ROCK2: variants seen among roughly 807,000 people sequenced by gnomAD.
ROCK2 encodes Rho associated coiled-coil containing protein kinase 2, also known as rho-associated protein kinase 2.
ROCK2 carries 61 observed loss-of-function variants against 195.1 expected under a neutral mutation model. The ratio of observed to expected loss-of-function variants is 0.31; its 90% CI spans 0.25 to 0.39. The LOEUF is 0.39. Among genes scored for constraint, ROCK2 ranks in the 10% least tolerant of loss-of-function variants. The pLI, the probability that ROCK2 is intolerant of heterozygous loss-of-function variation, is 1.00. For synonymous variants in ROCK2, 504 were observed against 545.5 expected (o/e 0.92, Z 1.06); for missense variants, 1,109 against 1,637.4 (o/e 0.68, Z 5.57).
Position 11,207,910 on chromosome 2 carries a change from C to T in ROCK2, c.2365G>A (p.Val789Ile), listed in dbSNP as rs777936902. 6.4e-7 allele frequency: 1 copy of T among 1,553,178 alleles called. No homozygotes were observed. The highest frequency in any genetic ancestry group is 2.3e-5 in the East Asian group (1 of 44,194). The change falls in exon 20 of 33, where the codon GTT becomes ATT. Residue 789 changes from valine (V) to isoleucine (I), a missense_variant and splice_region_variant. Coordinates refer to ENST00000315872, the MANE Select transcript of ROCK2 (RefSeq NM_004850.5). ...TCTATTTTTAATGTCAGGTTTCTAA[C>T]CTAAGAAATAAATTGTGTACTTGGT... The part of the protein sequence containing the change: ...LKQKDVLNED[V>I]RNLTLKIEQE...
intron 3 of ROCK2, among the ~76,000 whole-genome samples, chr2:11,257,766 C>T (rs746967196): frequency 5.3e-5 from 8 of 151,236 alleles, no homozygotes; most frequent in Non-Finnish European, 1.2e-4. Context: ...TTAGGAGATT[C>T]GAAATCAAAC....
intron 1 of ROCK2, chr2:11,308,196 G>T (rs1418025604): frequency 3.2e-6 from 5 of 1,584,022 alleles, no homozygotes; most frequent in South Asian, 2.2e-5. Context: ...ATTCACAGAA[G>T]AAAGAAAACC....
intron 1 of ROCK2, among the ~76,000 whole-genome samples, chr2:11,323,735 T>G (rs1017903787): frequency 1.3e-5 from 2 of 152,156 alleles, no homozygotes; most frequent in South Asian, 4.1e-4. Context: ...GGTACAGAGA[T>G]GTCCCACATA....
chr2:11,287,656 T>C lies in ROCK2; in HGVS notation c.222A>G (p.Arg74=). Residue 74 remains arginine (R), a splice_region_variant and synonymous_variant, in exon 2 of 33, where the codon AGA becomes AGG. Transcript: ENST00000315872. ...KNKNIDNFLN[R]YEKIVKKIRG... ...AATATGAAGTTTAAACATACTTACA[T>C]CTATTTAAGAAATTATCTATGTTCT... is the stretch of plus-strand genomic sequence containing the variant. The C allele has an allele frequency of 9.5e-7, 1 of 1,048,160 alleles. No homozygotes were observed. Among genetic ancestry groups the C allele is most frequent in the Non-Finnish European group, 1.3e-6 (1 of 749,998 alleles). 64.9% of individuals were successfully genotyped at this position (1,048,160 alleles called of 1,614,324 possible). A position where few individuals can be genotyped will look rare whatever the true frequency, so the allele number is the denominator to read the frequency against.
chr2:11,283,590 G>GAAAGAAAGAAAGAAAA (rs1453321680), intron 3 of ROCK2, among the ~76,000 whole-genome samples: 1 of 133,524 alleles, frequency 7.5e-6, no homozygotes, highest in Admixed American at 7.5e-5. Flanking sequence ...AAAAAAGCAA[G>GAAAGAAAGAAAGAAAA]AAAGAAAAGA....
chr2:11,281,373 T>C (rs1224217074), intron 3 of ROCK2, among the ~76,000 whole-genome samples: 1 of 152,160 alleles, frequency 6.6e-6, no homozygotes, highest in Non-Finnish European at 1.5e-5. Context: ...ACCAATCCTT[T>C]CCATCACTGT....
intron 1 of ROCK2, among the ~76,000 whole-genome samples, chr2:11,307,206 A>T (rs1162294920): frequency 6.6e-6 from 1 of 152,248 alleles, no homozygotes; most frequent in Admixed American, 6.5e-5. Context: ...GAAGTAGTCA[A>T]ATCAGTAGCA....
chr2:11,189,956 T>C (rs958791237), intron 32 of ROCK2, among the ~76,000 whole-genome samples: 48 of 151,922 alleles, frequency 3.2e-4, no homozygotes, highest in Middle Eastern at 3.2e-3. Flanking sequence ...GATCGTGCCA[T>C]TGCACTCCAG....
At chr2:11,287,150 G>A (rs1327850741) in intron 2 of ROCK2, among the ~76,000 whole-genome samples, 2 of 152,144 alleles carry the variant, frequency 1.3e-5, no homozygotes, top group African/African-American at 4.8e-5. Context: ...ATGATACAAT[G>A]TATACATTAA....
intron 5 of ROCK2, among the ~76,000 whole-genome samples, chr2:11,229,728 T>A (rs1044435077): frequency 5.3e-5 from 8 of 151,480 alleles, no homozygotes; most frequent in African/African-American, 1.5e-4. Flanking sequence ...GAAAATAACA[T>A]CTTAACACAA....
chr2:11,331,423 T>C (rs1410566722), intron 1 of ROCK2, among the ~76,000 whole-genome samples: 2 of 152,192 alleles, frequency 1.3e-5, no homozygotes, highest in Admixed American at 1.3e-4. Flanking sequence ...ATCCTCTATA[T>C]GAACCAAGTT....
chr2:11,286,769 G>GTTAGTTAAAAATC, intron 2 of ROCK2, 130 bp from the exon 3 acceptor site: 1 of 540,012 alleles, frequency 1.9e-6, no homozygotes, highest in African/African-American at 1.9e-5. Context: ...TTTAAAGGCT[G>GTTAGTTAAAAATC]TTAGTTAAAA....
In ROCK2 at chr2:11,217,588, T is replaced by C. The variant is rs568766284; in HGVS notation, c.1333-419A>G. On this transcript the variant is annotated intron_variant, in intron 11 of 32. Transcript: ENST00000315872. The stretch of plus-strand genomic sequence containing the variant: ...AAAACAAATATTCAGAGTACTCAAC[T>C]GAATATGCTCAAAGTAAAGAATATA... 2.0e-5 allele frequency among the ~76,000 whole-genome samples: 3 copies of C among 152,338 alleles called. No individual in the cohort carries two copies. The South Asian group carries it at 6.2e-4, about 32-fold the overall frequency.
chr2:11,180,370 T>C lies in ROCK2; in HGVS notation c.*3067A>G, dbSNP rs1361607076. The stretch of plus-strand genomic sequence containing the variant: ...CTTTAGAGCCAGATTCATGTAACTC[T>C]AACACAGGTTAGTTTTAAAGGCACT... On this transcript the variant is annotated 3_prime_UTR_variant, in exon 33 of 33. Transcript: ENST00000315872. The C allele has an allele frequency of 6.6e-6, 1 of 152,226 alleles. No individual in the cohort carries two copies. The highest frequency in any genetic ancestry group is 1.5e-5 in the Non-Finnish European group (1 of 68,036). The allele number at this position is 152,226 out of a possible 1,614,324, so 9.4% of individuals were successfully genotyped here.
chr2:11,240,408 C>T (rs879554034), intron 4 of ROCK2, among the ~76,000 whole-genome samples: 1 of 152,134 alleles, frequency 6.6e-6, no homozygotes, highest in Non-Finnish European at 1.5e-5. Context: ...TTATAACACA[C>T]CATACAATGG....
chr2:11,280,222 A>G (rs899122581), intron 3 of ROCK2, among the ~76,000 whole-genome samples: 7 of 152,158 alleles, frequency 4.6e-5, no homozygotes, highest in African/African-American at 1.7e-4. Context: ...GAAAAGACCA[A>G]TAATATTGAT....
intron 3 of ROCK2, among the ~76,000 whole-genome samples, chr2:11,274,999 G>C (rs557725231): frequency 2.6e-4 from 40 of 152,304 alleles, no homozygotes; most frequent in Middle Eastern, 6.8e-3. Flanking sequence ...GCTCATGCCT[G>C]TAATCCCAGC....
At chr2:11,337,428 A>G (rs995195281) in intron 1 of ROCK2, among the ~76,000 whole-genome samples, 13 of 152,210 alleles carry the variant, frequency 8.5e-5, no homozygotes, top group African/African-American at 2.9e-4. Flanking sequence ...GTTGCTTCAA[A>G]CAGATGCTTC....
In ROCK2 at chr2:11,344,138, C is replaced by T; in HGVS notation, c.-2G>A. The T allele has an allele frequency of 1.4e-6, 2 of 1,442,202 alleles. No individual in the cohort carries two copies. The highest frequency in any genetic ancestry group is 1.5e-5 in the South Asian group (1 of 68,334). The allele number at this position is 1,442,202 out of a possible 1,614,324, so 89.3% of individuals were successfully genotyped here. A position where few individuals can be genotyped will look rare whatever the true frequency, so the allele number is the denominator to read the frequency against. On this transcript the variant is annotated 5_prime_UTR_variant, in exon 1 of 33. Transcript: ENST00000315872. The surrounding 1 kb of genome is among the most constrained non-coding windows in gnomAD (Gnocchi z 5.4). ...CCCCGTCGGCGGGGGCCGGCTCATG[C>T]CGCCACCGCTGGACCCGCACTCAGG...
Sources: allele counts gnomAD v4.1 joint callset (sites outside exome capture counted in the v4.1 genomes callset), GRCh38; gene constraint gnomAD v4.1.1; non-coding constraint Gnocchi (gnomAD v3.1); transcripts MANE v1.5; gene names NCBI Gene and HGNC (gene_info 2026-07-23, HGNC 2026-07-21).